Variants in GRM7 observed in about 807,000 individuals in gnomAD.
GRM7 encodes the protein metabotropic glutamate receptor 7.
GRM7 carries 35 observed loss-of-function variants against 84.5 expected under a neutral mutation model. That is an observed-to-expected ratio of 0.41 (90% CI 0.32 to 0.55). GRM7 has a LOEUF of 0.55. Ranked by LOEUF, GRM7 falls within the 20% of genes least tolerant of loss-of-function variation. The probability of loss-of-function intolerance (pLI) is 0.19; values close to 1 mark genes in which losing one functional copy is unlikely to be tolerated. For synonymous variants in GRM7, 487 were observed against 455.1 expected, an observed-to-expected ratio of 1.07 and a Z score of -0.89; for missense variants, 1,003 against 1,194.6, an observed-to-expected ratio of 0.84 and a Z score of 2.36.
intron 4 of GRM7, among the ~76,000 whole-genome samples, chr3:7,385,623 A>T (rs1186805135): frequency 6.6e-6 from 1 of 152,186 alleles, no homozygotes; most frequent in Non-Finnish European, 1.5e-5. Context: ...TTTTAAATAC[A>T]GAAGTATCAA....
chr3:7,034,845 T>C (rs1696326495), intron 1 of GRM7, among the ~76,000 whole-genome samples: 2 of 152,068 alleles, frequency 1.3e-5, no homozygotes, highest in African/African-American at 4.8e-5. Flanking sequence ...GGAGTGAAAG[T>C]GTTGCAATGT....
chr3:7,316,190 G>A (rs1398192150), intron 4 of GRM7, among the ~76,000 whole-genome samples: 3 of 152,114 alleles, frequency 2.0e-5, no homozygotes, highest in Admixed American at 6.6e-5. Context: ...GGAAGAGGGA[G>A]ATGAAGTCAG....
At chr3:6,892,258 C>G (rs1022813611) in intron 1 of GRM7, among the ~76,000 whole-genome samples, 1 of 152,126 alleles carries the variant, frequency 6.6e-6, no homozygotes, top group African/African-American at 2.4e-5. Flanking sequence ...GAAGCAAGGA[C>G]CTCAGAGAAG....
intron 7 of GRM7, among the ~76,000 whole-genome samples, chr3:7,475,565 A>G (rs1698888476): frequency 6.6e-6 from 1 of 152,148 alleles, no homozygotes; most frequent in Admixed American, 6.5e-5. Flanking sequence ...GGGGAGAAGG[A>G]GTGGAATTCA....
At chr3:7,291,217 G>T (rs890441897) in intron 2 of GRM7, among the ~76,000 whole-genome samples, 5 of 152,022 alleles carry the variant, frequency 3.3e-5, no homozygotes, top group South Asian at 2.1e-4. Flanking sequence ...GATCATTTAG[G>T]ACAATGTACA....
chr3:7,117,733 C>G (rs1162681718), intron 1 of GRM7, among the ~76,000 whole-genome samples: 1 of 152,278 alleles, frequency 6.6e-6, no homozygotes, highest in Non-Finnish European at 1.5e-5. Flanking sequence ...TGAAGTTGAG[C>G]AAATCCTTAG....
intron 2 of GRM7, among the ~76,000 whole-genome samples, chr3:7,203,798 T>TAACA: frequency 1.3e-5 from 2 of 152,200 alleles, no homozygotes; most frequent in African/African-American, 4.8e-5. Context: ...ATAAAACATT[T>TAACA]TGTTCTCAGA....
intron 4 of GRM7, among the ~76,000 whole-genome samples, chr3:7,352,387 G>A (rs779330279): frequency 8.2e-4 from 125 of 152,058 alleles, no homozygotes; most frequent in Non-Finnish European, 2.6e-4. Flanking sequence ...GTTGCTTCTA[G>A]CATCACTGGA....
In GRM7 at chr3:7,216,121, AG is replaced by A. The variant is rs573947409; in HGVS notation, c.736+69454del. On this transcript the variant is annotated intron_variant, in intron 2 of 9. Transcript: ENST00000357716. ...CTCTGATTCTATTTTTATTTCCAAAAGCTTTTGAAAATGCCTCAGAAAGTTA... is the reference window on the plus strand; with the variant it reads ...CTCTGATTCTATTTTTATTTCCAAAACTTTTGAAAATGCCTCAGAAAGTTA... Among the ~76,000 whole-genome samples, 780 of 152,328 alleles carry A rather than the reference AG, an allele frequency of 5.1e-3. 4 individuals carry two copies. Among genetic ancestry groups the A allele is most frequent in the African/African-American group, 0.018 (729 of 41,568 alleles).
chr3:7,720,475 T>A (rs1371312054), intron 9 of GRM7, among the ~76,000 whole-genome samples: 2 of 152,058 alleles, frequency 1.3e-5, no homozygotes, highest in African/African-American at 4.8e-5. Context: ...AGAAGGAAGG[T>A]GATGTTGAAT....
chr3:7,429,561 C>T (rs983031103), intron 5 of GRM7, among the ~76,000 whole-genome samples: 2 of 151,586 alleles, frequency 1.3e-5, no homozygotes, highest in South Asian at 2.1e-4. Flanking sequence ...TTTTTAATAC[C>T]CCTGTGTCAT....
chr3:7,670,326 T>C (rs1159210907), intron 8 of GRM7, among the ~76,000 whole-genome samples: 2 of 151,932 alleles, frequency 1.3e-5, no homozygotes, highest in East Asian at 1.9e-4. Context: ...CAGAGGAAGA[T>C]CAGCAAACAT....
Position 7,578,450 on chromosome 3 carries a change from T to A in GRM7, c.1544T>A (p.Val515Asp), listed in dbSNP as rs1695066967. The change falls in exon 8 of 10, where the codon GTC (valine) becomes GAC (aspartate). Residue 515 changes from valine to aspartate, a missense_variant. This residue lies in a region of GRM7 where 910 missense variants were observed against 1,126.0 expected (regional missense o/e 0.81). Coordinates refer to ENST00000357716, the MANE Select transcript of GRM7 (RefSeq NM_000844.4). ...NIEDMQWGKG[V>D]REIPASVCTL... ...GAAGACATGCAGTGGGGTAAAGGAG[T>A]CCGAGAGATACCCGCCTCAGTGTGC... The A allele has an allele frequency of 3.1e-6, 5 of 1,612,590 alleles. No homozygotes were observed. The highest frequency in any genetic ancestry group is 4.2e-6 in the Non-Finnish European group (5 of 1,179,040).
At chr3:7,087,366 G>T (rs1179578734) in intron 1 of GRM7, among the ~76,000 whole-genome samples, 2 of 147,212 alleles carry the variant, frequency 1.4e-5, no homozygotes, top group African/African-American at 2.5e-5. Flanking sequence ...CTAAGTTATT[G>T]TATATTTTCT....
intron 1 of GRM7, among the ~76,000 whole-genome samples, chr3:6,952,765 C>T (rs339025): frequency 0.25 from 38,692 of 152,038 alleles, 4,974 homozygotes; most frequent in East Asian, 0.34. Context: ...AATCCAGCCC[C>T]TATTACTCTA....
At chr3:7,415,641 C>T (rs1393165842) in intron 5 of GRM7, among the ~76,000 whole-genome samples, 1 of 152,066 alleles carries the variant, frequency 6.6e-6, no homozygotes, top group Non-Finnish European at 1.5e-5. Context: ...ATTCACGGCT[C>T]CTTATATGTA....
At chr3:7,706,829 A>G (rs1263376979) in intron 9 of GRM7, among the ~76,000 whole-genome samples, 3 of 152,180 alleles carry the variant, frequency 2.0e-5, no homozygotes, top group Admixed American at 6.5e-5. Context: ...CCTCTGCCAT[A>G]ACTCACAATG....
At chr3:7,411,597 T>C (rs1412061516) in intron 4 of GRM7, among the ~76,000 whole-genome samples, 1 of 152,242 alleles carries the variant, frequency 6.6e-6, no homozygotes, top group East Asian at 1.9e-4. Flanking sequence ...AATTTTGAAC[T>C]TTATGTGACA....
intron 1 of GRM7, among the ~76,000 whole-genome samples, chr3:7,034,354 T>C (rs1454754474): frequency 1.3e-5 from 2 of 152,268 alleles, no homozygotes; most frequent in East Asian, 1.9e-4. Flanking sequence ...TAACCAACTT[T>C]GGGAGGAACA....
Sources: gnomAD v4.1 joint callset for allele counts (sites outside exome capture counted in the v4.1 genomes callset) on GRCh38, gnomAD v4.1.1 for gene constraint, gnomAD v4.1.1 regional missense constraint, MANE v1.5 for transcripts, NCBI Gene and HGNC (gene_info 2026-07-23, HGNC 2026-07-21) for gene names.